Variants in ACTL6A observed in about 807,000 individuals in gnomAD.
ACTL6A encodes the protein actin-like protein 6A.
In ACTL6A, 5 loss-of-function variants were observed where a neutral mutation model predicts 59.2. That is an observed-to-expected ratio of 0.08 (90% CI 0.04 to 0.18). The LOEUF (loss-of-function observed/expected upper bound fraction) is 0.18, where lower values mean the gene tolerates loss of function less well. ACTL6A is among the 10% of genes least tolerant of loss of function. ACTL6A has a pLI of 1.00. For missense variants in ACTL6A, 285 were observed against 526.9 expected, an observed-to-expected ratio of 0.54 and a Z score of 4.49; for synonymous variants, 154 against 171.8, an observed-to-expected ratio of 0.90 and a Z score of 0.81.
At chr3:179,574,685 T>C (rs1323732904) in intron 5 of ACTL6A, 2 of 410,670 alleles carry the variant, frequency 4.9e-6, no homozygotes, top group African/African-American at 4.1e-5. Flanking sequence ...AAATTCTGAG[T>C]GTTAAGACGT....
intron 8 of ACTL6A, among the ~76,000 whole-genome samples, chr3:179,579,344 T>G (rs1718262395): frequency 6.6e-6 from 1 of 152,110 alleles, no homozygotes; most frequent in Non-Finnish European, 1.5e-5. Context: ...TTGATAGAAA[T>G]TAATGTGTAT....
chr3:179,579,961 C>G (rs1274652844), intron 8 of ACTL6A, among the ~76,000 whole-genome samples: 1 of 152,098 alleles, frequency 6.6e-6, no homozygotes, highest in African/African-American at 2.4e-5. Flanking sequence ...TTTATAGAGA[C>G]AGTGTCTCGC....
intron 1 of ACTL6A, among the ~76,000 whole-genome samples, chr3:179,565,407 AAAAAAC>A (rs1419972846): frequency 7.1e-6 from 1 of 139,894 alleles, no homozygotes; most frequent in African/African-American, 2.5e-5. Context: ...TCTATCCTAA[AAAAAAC>A]AAAAACAAAC....
Position 179,576,876 on chromosome 3 carries a change from C to T in ACTL6A, c.731C>T (p.Pro244Leu). The change falls in exon 8 of 14, where the codon CCT becomes CTT. Residue 244 changes from proline (P) to leucine (L), a missense_variant. Coordinates refer to ENST00000429709, the MANE Select transcript of ACTL6A (RefSeq NM_004301.5). ...AACTGGAAAAGAAAAGAGAAGTTGCCTCAGGTTACGAGGTCTTGGCACAAT... is the reference window on the plus strand; with the variant it reads ...AACTGGAAAAGAAAAGAGAAGTTGCTTCAGGTTACGAGGTCTTGGCACAAT... ...PANWKRKEKL[P>L]QVTRSWHNYM... The T allele has an allele frequency of 6.2e-7, 1 of 1,613,962 alleles. No homozygotes were observed. The highest frequency in any genetic ancestry group is 8.5e-7 in the Non-Finnish European group (1 of 1,179,968).
In ACTL6A at chr3:179,574,046, A is replaced by ATTTACTCTTTAGAT. The variant is rs1208580528; in HGVS notation, c.379-322_379-321insTACTCTTTAGATTT. The stretch of plus-strand genomic sequence containing the variant: ...TCTAAAATTCATACTTAGGATTTGG[A>ATTTACTCTTTAGAT]TTACCATATTTACTCTTTAGATTTA... On this transcript the variant is annotated intron_variant, in intron 4 of 13. Transcript: ENST00000429709. 1.9e-4 allele frequency among the ~76,000 whole-genome samples: 29 copies of ATTTACTCTTTAGAT among 152,164 alleles called. 1 individual carries two copies. The highest frequency in any genetic ancestry group is 2.9e-5 in the Non-Finnish European group (2 of 68,024).
intron 1 of ACTL6A, among the ~76,000 whole-genome samples, chr3:179,566,262 G>T (rs940557415): frequency 1.3e-5 from 2 of 152,084 alleles, no homozygotes; most frequent in African/African-American, 4.8e-5. Flanking sequence ...TTTGAAATTG[G>T]AATTATCAGT....
intron 1 of ACTL6A, among the ~76,000 whole-genome samples, chr3:179,566,372 G>A (rs1050357031): frequency 6.6e-6 from 1 of 152,190 alleles, no homozygotes; most frequent in African/African-American, 2.4e-5. Context: ...CCTTCCCAAA[G>A]TTTCCATGGT....
Position 179,573,469 on chromosome 3 carries a change from G to A in ACTL6A, c.378G>A (p.Pro126=), listed in dbSNP as rs1358047155. 1 of 1,536,930 alleles carries A rather than the reference G, an allele frequency of 6.5e-7. No individual in the cohort carries two copies. The highest frequency in any genetic ancestry group is 2.3e-5 in the Admixed American group (1 of 42,660). ...SLHPVLMSEA[P]WNTRAKREKL... is the part of the protein sequence containing the mutation. ...ATCCTGTTCTCATGTCAGAGGCACC[G>A]GTGAGATAAAGATTTTCTTTTTCAC... is the stretch of plus-strand genomic sequence containing the variant. The change falls in exon 4 of 14, where the codon CCG becomes CCA. Residue 126 remains proline (P), a splice_region_variant and synonymous_variant. Coordinates refer to ENST00000429709, the MANE Select transcript of ACTL6A (RefSeq NM_004301.5).
intron 8 of ACTL6A, among the ~76,000 whole-genome samples, chr3:179,579,070 A>G (rs1718254976): frequency 6.6e-6 from 1 of 152,214 alleles, no homozygotes; most frequent in Non-Finnish European, 1.5e-5. Context: ...AATAATAAAT[A>G]ATAGCCATTC....
At chr3:179,563,484 C>T (rs1717734138) in intron 1 of ACTL6A, among the ~76,000 whole-genome samples, 1 of 152,224 alleles carries the variant, frequency 6.6e-6, no homozygotes. Flanking sequence ...CCCCGAGTGC[C>T]TCCTGGACTC....
intron 12 of ACTL6A, among the ~76,000 whole-genome samples, chr3:179,586,233 C>T (rs1718482345): frequency 6.6e-6 from 1 of 152,100 alleles, no homozygotes; most frequent in Non-Finnish European, 1.5e-5. Flanking sequence ...AAAGTCTGTA[C>T]ATTAGTCTAA....
chr3:179,583,015 GT>G (rs1224323521), intron 11 of ACTL6A, among the ~76,000 whole-genome samples: 1 of 152,144 alleles, frequency 6.6e-6, no homozygotes, highest in Non-Finnish European at 1.5e-5. Flanking sequence ...GTTTGAGGCT[GT>G]GGTACGCTAT....
chr3:179,566,678 TTTG>T lies in ACTL6A; in HGVS notation c.26-3122_26-3120del, dbSNP rs376454101. On this transcript the variant is annotated intron_variant, in intron 1 of 13. Coordinates refer to ENST00000429709, the MANE Select transcript of ACTL6A (RefSeq NM_004301.5). Reference sequence around the variant, plus strand: ...CAAGTCCAAGTCTGAATTTTCTCTTTTTGTTGTTGTTGTTGTTGTTGTTGTTTT... The same window carrying T: ...CAAGTCCAAGTCTGAATTTTCTCTTTTTGTTGTTGTTGTTGTTGTTGTTTT... Among the ~76,000 whole-genome samples, 40 of 151,996 alleles carry T rather than the reference TTTG, an allele frequency of 2.6e-4. 1 individual carries two copies. The highest frequency in any genetic ancestry group is 7.8e-4 in the East Asian group (4 of 5,158).
intron 12 of ACTL6A, among the ~76,000 whole-genome samples, chr3:179,585,491 C>T (rs540157100): frequency 1.3e-5 from 2 of 152,282 alleles, no homozygotes; most frequent in African/African-American, 4.8e-5. Context: ...CAGTTAGAAA[C>T]TATCCTTGTC....
chr3:179,570,257 C>G lies in ACTL6A; in HGVS notation c.277+16C>G. 6.2e-7 allele frequency: 1 copy of G among 1,604,004 alleles called. No individual in the cohort carries two copies. Among genetic ancestry groups the G allele is most frequent in the Non-Finnish European group, 8.5e-7 (1 of 1,174,424 alleles). On this transcript the variant is annotated intron_variant, in intron 3 of 13. Coordinates refer to ENST00000429709, the MANE Select transcript of ACTL6A (RefSeq NM_004301.5). This position sits in a 1 kb window ranked among gnomAD's most constrained non-coding sequence, Gnocchi z 4.3. ...AATGGGATGGGTATGATGTTTTCCC[C>G]ATGGAATTGATTATGGAGTGTACAT...
intron 1 of ACTL6A, among the ~76,000 whole-genome samples, chr3:179,569,290 TG>T (rs1306502472): frequency 2.0e-5 from 3 of 152,238 alleles, no homozygotes; most frequent in Non-Finnish European, 4.4e-5. Flanking sequence ...TTCTTCAGTT[TG>T]AAGAATGGCA....
chr3:179,574,955 C>A, intron 5 of ACTL6A: 1 of 179,304 alleles, frequency 5.6e-6, no homozygotes, highest in Middle Eastern at 2.8e-3. Context: ...TGAAGCACGT[C>A]CTCTTGTCTG....
At chr3:179,569,393 A>G (rs1370649862) in intron 1 of ACTL6A, among the ~76,000 whole-genome samples, 1 of 152,212 alleles carries the variant, frequency 6.6e-6, no homozygotes, top group Non-Finnish European at 1.5e-5. Context: ...CTTTGCAAAT[A>G]ATTCCCTTTA....
intron 5 of ACTL6A, chr3:179,575,178 G>A: frequency 2.8e-6 from 1 of 352,692 alleles, no homozygotes; most frequent in Non-Finnish European, 5.5e-6. Flanking sequence ...TCTGCTTTAA[G>A]CCAGAATCGT....
Sources: gnomAD v4.1 joint callset for allele counts (sites outside exome capture counted in the v4.1 genomes callset) on GRCh38, gnomAD v4.1.1 for gene constraint, Gnocchi (gnomAD v3.1) non-coding constraint, MANE v1.5 for transcripts, NCBI Gene and HGNC (gene_info 2026-07-23, HGNC 2026-07-21) for gene names.